Variants in OR2V2 observed in about 807,000 individuals in gnomAD.
OR2V2 encodes the protein olfactory receptor 2V2.
For synonymous variants in OR2V2, 161 were observed against 151.3 expected (o/e 1.06, Z -0.47); for missense variants, 392 against 392.2 (o/e 1.00, Z 0.00).
intron 1 of OR2V2, among the ~76,000 whole-genome samples, chr5:181,152,740 A>G (rs1268614604): frequency 6.6e-6 from 1 of 151,904 alleles, no homozygotes; most frequent in Non-Finnish European, 1.5e-5. Context: ...ATTTCCTTCC[A>G]CTCTCTGGAG....
At chr5:181,149,936 G>A (rs765946005) in intron 1 of OR2V2, among the ~76,000 whole-genome samples, 1 of 152,254 alleles carries the variant, frequency 6.6e-6, no homozygotes, top group Non-Finnish European at 1.5e-5. Flanking sequence ...GTCTTTGAAG[G>A]TGCAGGTGGC....
At position 181,155,840 on chromosome 5, in the gene OR2V2, G is replaced by C; in HGVS notation, c.898G>C (p.Gly300Arg). The change falls in exon 2 of 2, where the codon GGG becomes CGG. Residue 300 changes from glycine (G) to arginine (R), a missense_variant. By Grantham distance (125) the Gly-to-Arg change is moderately radical. Transcript: ENST00000641492. Reference sequence around the variant, plus strand: ...CAGCTTGAGGAACAGGGAGGTGATGGGGGCACTGAGGAAGGGGCTGGACCG... The same window carrying C: ...CAGCTTGAGGAACAGGGAGGTGATGCGGGCACTGAGGAAGGGGCTGGACCG... The part of the protein sequence containing the change: ...IYSLRNREVM[G>R]ALRKGLDRCR... The C allele has an allele frequency of 6.2e-7, 1 of 1,614,200 alleles. No individual in the cohort carries two copies. Among genetic ancestry groups the C allele is most frequent in the African/African-American group, 1.3e-5 (1 of 75,056 alleles).
chr5:181,154,328 A>G (rs969514300), intron 1 of OR2V2, among the ~76,000 whole-genome samples: 17 of 152,168 alleles, frequency 1.1e-4, no homozygotes, highest in Non-Finnish European at 1.8e-4. Context: ...GGTGGCTCAC[A>G]CCTGTAATCC....
At chr5:181,149,220 G>C (rs930368808) in intron 1 of OR2V2, among the ~76,000 whole-genome samples, 1 of 152,188 alleles carries the variant, frequency 6.6e-6, no homozygotes, top group Non-Finnish European at 1.5e-5. Flanking sequence ...GCTGGCAGGG[G>C]TGAGTGAGGG....
At chr5:181,153,390 T>C (rs963378634) in intron 1 of OR2V2, among the ~76,000 whole-genome samples, 8 of 152,268 alleles carry the variant, frequency 5.3e-5, no homozygotes, top group African/African-American at 1.7e-4. Context: ...CTAAGGTGTT[T>C]AGGACAAATT....
rs1474430814 is a variant in OR2V2 at position 181,155,304 on chromosome 5, A to G, written c.362A>G (p.Tyr121Cys). Residue 121 changes from tyrosine to cysteine, a missense_variant, in exon 2 of 2, where the codon TAT becomes TGT. Transcript: ENST00000641492. Reference protein sequence around the residue: ...SEGLLLGLMAYDRYVAISHPL... With the variant: ...SEGLLLGLMACDRYVAISHPL... ...GGGCTCTTGCTGGGACTCATGGCTTATGACCGCTATGTGGCCATTAGCCAC... is the reference window on the plus strand; with the variant it reads ...GGGCTCTTGCTGGGACTCATGGCTTGTGACCGCTATGTGGCCATTAGCCAC... The G allele has an allele frequency of 3.1e-6, 5 of 1,613,936 alleles. No homozygotes were observed. The Admixed American group carries it at 8.3e-5, about 27-fold the overall frequency.
chr5:181,155,203 G>C lies in OR2V2; in HGVS notation c.261G>C (p.Leu87=). 1.2e-6 allele frequency: 2 copies of C among 1,614,180 alleles called. No homozygotes were observed. The highest frequency in any genetic ancestry group is 1.7e-6 in the Non-Finnish European group (2 of 1,180,036). Reference sequence around the variant, plus strand: ...TGCCAAAGATGGCAGCCAACTTCCTGTCTGGCAGGAAGTCCATCTCCTTTG... The same window carrying C: ...TGCCAAAGATGGCAGCCAACTTCCTCTCTGGCAGGAAGTCCATCTCCTTTG... The part of the protein sequence containing the change: ...TNVPKMAANF[L]SGRKSISFVG... Residue 87 remains leucine (L), a synonymous_variant, in exon 2 of 2, where the codon CTG becomes CTC. Coordinates refer to ENST00000641492, the MANE Select transcript of OR2V2 (RefSeq NM_206880.2).
intron 1 of OR2V2, among the ~76,000 whole-genome samples, chr5:181,151,650 T>C (rs1396908301): frequency 6.6e-6 from 1 of 152,144 alleles, no homozygotes; most frequent in African/African-American, 2.4e-5. Context: ...ACTGCTTGGT[T>C]GTTTTCTGTC....
In OR2V2 at chr5:181,151,228, G is replaced by C. The variant is rs114253059; in HGVS notation, c.-25+3233G>C. Among the ~76,000 whole-genome samples, 572 of 152,296 alleles carry C rather than the reference G, an allele frequency of 3.8e-3. 5 individuals carry two copies. The highest frequency in any genetic ancestry group is 0.013 in the African/African-American group (540 of 41,550). The stretch of plus-strand genomic sequence containing the variant: ...CCAGGAAGAAAATAATAATAAAAGG[G>C]CCTGGCAGATGAGACATCCAGAGTC... On this transcript the variant is annotated intron_variant, in intron 1 of 1. Transcript: ENST00000641492.
chr5:181,149,524 G>A (rs75264206), intron 1 of OR2V2, among the ~76,000 whole-genome samples: 2,504 of 152,328 alleles, frequency 0.016, 63 homozygotes, highest in African/African-American at 0.057. Flanking sequence ...AAGCCATCCC[G>A]GATAGGGAGA....
chr5:181,155,647 G>C lies in OR2V2; in HGVS notation c.705G>C (p.Trp235Cys). 1 of 1,614,176 alleles carries C rather than the reference G, an allele frequency of 6.2e-7. No homozygotes were observed. The highest frequency in any genetic ancestry group is 1.1e-5 in the South Asian group (1 of 91,076). ...TGCAAATGCACTCTGCTCAGGCCTGGAAAAAGGCCCTGGCCACCTGCTCCT... is the reference window on the plus strand; with the variant it reads ...TGCAAATGCACTCTGCTCAGGCCTGCAAAAAGGCCCTGGCCACCTGCTCCT... ...TVLQMHSAQA[W>C]KKALATCSSH... The change falls in exon 2 of 2, where the codon TGG becomes TGC. Residue 235 changes from tryptophan (W) to cysteine (C), a missense_variant. Physicochemically the swap from Trp to Cys is radical, Grantham distance 215 (BLOSUM62 -2). Coordinates refer to ENST00000641492, the MANE Select transcript of OR2V2 (RefSeq NM_206880.2).
chr5:181,152,126 T>G (rs1162578697), intron 1 of OR2V2, among the ~76,000 whole-genome samples: 4 of 152,218 alleles, frequency 2.6e-5, no homozygotes, highest in Non-Finnish European at 5.9e-5. Flanking sequence ...ACATCCATTT[T>G]CCTTTTGGCC....
chr5:181,154,030 G>A lies in OR2V2; in HGVS notation c.-24-889G>A, dbSNP rs181105819. Among the ~76,000 whole-genome samples, 14 of 152,238 alleles carry A rather than the reference G, an allele frequency of 9.2e-5. No homozygotes were observed. In the East Asian group the frequency reaches 1.7e-3, roughly 19 times the overall value. On this transcript the variant is annotated intron_variant, in intron 1 of 1. Coordinates refer to ENST00000641492, the MANE Select transcript of OR2V2 (RefSeq NM_206880.2). ...TTGGCCCTGTGACTTCCTGTCACTC[G>A]CGGTATGACTGACAATGACACCGTC...
In OR2V2 at chr5:181,156,952, T is replaced by A. The variant is rs1763273805; in HGVS notation, c.*1062T>A. On this transcript the variant is annotated 3_prime_UTR_variant, in exon 2 of 2. Coordinates refer to ENST00000641492, the MANE Select transcript of OR2V2 (RefSeq NM_206880.2). ...CTGTCTCCTCACCACGTCCTAGCAG[T>A]GTGTGCTGCTCTGTGTCAGCTCAGC... The A allele has an allele frequency of 6.6e-6, 1 of 152,270 alleles. No individual in the cohort carries two copies. Among genetic ancestry groups the A allele is most frequent in the Non-Finnish European group, 1.5e-5 (1 of 68,044 alleles). 9.4% of individuals were successfully genotyped at this position (152,270 alleles called of 1,614,324 possible).
Position 181,155,865 on chromosome 5 carries a change from G to A in OR2V2, c.923G>A (p.Arg308His), listed in dbSNP as rs149892080. 2.0e-5 allele frequency: 32 copies of A among 1,613,490 alleles called. No individual in the cohort carries two copies. In the East Asian group the frequency reaches 2.7e-4, roughly 13 times the overall value. Residue 308 changes from arginine to histidine, a missense_variant, in exon 2 of 2, where the codon CGC becomes CAC. Arg to His is a conservative substitution (Grantham distance 29). Transcript: ENST00000641492. ...GGGGCACTGAGGAAGGGGCTGGACCGCTGCAGGATCGGCAGCCAGCACTGA... is the reference window on the plus strand; with the variant it reads ...GGGGCACTGAGGAAGGGGCTGGACCACTGCAGGATCGGCAGCCAGCACTGA... ...VMGALRKGLD[R>H]CRIGSQH is the part of the protein sequence containing the mutation.
Position 181,154,911 on chromosome 5 carries a change from A to G in OR2V2, c.-24-8A>G. On this transcript the variant is annotated splice_region_variant and splice_polypyrimidine_tract_variant and intron_variant, in intron 1 of 1. Coordinates refer to ENST00000641492, the MANE Select transcript of OR2V2 (RefSeq NM_206880.2). ...AGTCAATGTAACACATCTTGTCCATATTCTCAGGTGACCAGGAGCAACAAC... is the reference window on the plus strand; with the variant it reads ...AGTCAATGTAACACATCTTGTCCATGTTCTCAGGTGACCAGGAGCAACAAC... The G allele has an allele frequency of 7.0e-7, 1 of 1,435,244 alleles. No individual in the cohort carries two copies. Among genetic ancestry groups the G allele is most frequent in the Non-Finnish European group, 9.8e-7 (1 of 1,018,220 alleles). 88.9% of individuals were successfully genotyped at this position (1,435,244 alleles called of 1,614,324 possible). A position where few individuals can be genotyped will look rare whatever the true frequency, so the allele number is the denominator to read the frequency against.
Position 181,158,924 on chromosome 5 carries a change from T to G in OR2V2, c.*3034T>G, listed in dbSNP as rs1370320864. On this transcript the variant is annotated 3_prime_UTR_variant, in exon 2 of 2. Coordinates refer to ENST00000641492, the MANE Select transcript of OR2V2 (RefSeq NM_206880.2). Reference sequence around the variant, plus strand: ...ATTGCAATCAGTTAGGTCAATGTTTTGTGTGTGTGTGTGAATATAAAAAAT... The same window carrying G: ...ATTGCAATCAGTTAGGTCAATGTTTGGTGTGTGTGTGTGAATATAAAAAAT... The G allele has an allele frequency of 8.5e-6, 1 of 117,896 alleles. No homozygotes were observed. The highest frequency in any genetic ancestry group is 1.7e-5 in the Non-Finnish European group (1 of 60,592). 7.3% of individuals were successfully genotyped at this position (117,896 alleles called of 1,614,324 possible).
chr5:181,148,143 T>C (rs1330214911), intron 1 of OR2V2, 148 bp downstream of exon 1: 5 of 392,870 alleles, frequency 1.3e-5, no homozygotes, highest in African/African-American at 6.2e-5. Context: ...GTTTGGATTT[T>C]TGGGGGGGCA....
chr5:181,152,228 G>A (rs1582195663), intron 1 of OR2V2, among the ~76,000 whole-genome samples: 1 of 152,220 alleles, frequency 6.6e-6, no homozygotes, highest in East Asian at 1.9e-4. Context: ...TGGCTGCACA[G>A]CCCATGTTTA....
Sources: allele counts gnomAD v4.1 joint callset (sites outside exome capture counted in the v4.1 genomes callset), GRCh38; gene constraint gnomAD v4.1.1; transcripts MANE v1.5; gene names NCBI Gene and HGNC (gene_info 2026-07-23, HGNC 2026-07-21).